SPSB1: variants seen among roughly 807,000 people sequenced by gnomAD.
SPSB1 encodes the protein SPRY domain-containing SOCS box protein 1.
A neutral mutation model predicts 21.2 loss-of-function variants in SPSB1; 8 were observed. That is an observed-to-expected ratio of 0.38 (90% CI 0.22 to 0.68). The LOEUF is 0.68. Ranked by LOEUF, SPSB1 falls within the 30% of genes least tolerant of loss-of-function variation. The pLI is 0.53. For missense variants in SPSB1, 242 were observed against 377.8 expected (o/e 0.64, Z 2.98); for synonymous variants, 169 against 161.7 (o/e 1.05, Z -0.34).
At chr1:9,359,084 A>G (rs1640422752) in intron 2 of SPSB1, among the ~76,000 whole-genome samples, 2 of 152,204 alleles carry the variant, frequency 1.3e-5, no homozygotes, top group Admixed American at 1.3e-4. Flanking sequence ...TGGAATCTAG[A>G]TGGCCACTCA....
At chr1:9,331,321 GTTTTTTTTTTTTTTTTT>G in intron 1 of SPSB1, among the ~76,000 whole-genome samples, 1 of 53,704 alleles carries the variant, frequency 1.9e-5, no homozygotes, top group East Asian at 5.7e-4. Context: ...TGGTGCTCTT[GTTTTTTTTTTTTTTTTT>G]TTTTTTTTTG....
At position 9,356,175 on chromosome 1, in the gene SPSB1, G is replaced by T. The variant is rs769406033; in HGVS notation, c.284G>T (p.Arg95Leu). 6 of 1,586,828 alleles carry T rather than the reference G, an allele frequency of 3.8e-6. No homozygotes were observed. The highest frequency in any genetic ancestry group is 2.7e-5 in the African/African-American group (2 of 74,608). ...DAIRGKVGYT[R>L]GLHVWQITWA... Reference sequence around the variant, plus strand: ...ATCAGGGGCAAAGTCGGGTATACCCGTGGGCTGCACGTGTGGCAGATCACG... The same window carrying T: ...ATCAGGGGCAAAGTCGGGTATACCCTTGGGCTGCACGTGTGGCAGATCACG... The change falls in exon 2 of 3, where the codon CGT becomes CTT. Residue 95 changes from arginine (R) to leucine (L), a missense_variant. Physicochemically the swap from Arg to Leu is moderately radical, Grantham distance 102. Transcript: ENST00000328089. The surrounding 1 kb of genome is among the most constrained non-coding windows in gnomAD (Gnocchi z 7.4).
At position 9,293,789 on chromosome 1, in the gene SPSB1, G is replaced by A. The variant is rs976178978; in HGVS notation, c.-150+718G>A. On this transcript the variant is annotated intron_variant, in intron 1 of 2. Coordinates refer to ENST00000328089, the MANE Select transcript of SPSB1 (RefSeq NM_025106.4). The surrounding 1 kb of genome is among the most constrained non-coding windows in gnomAD (Gnocchi z 5.1). ...CTCGGTGGCGTCCAGGTTCCGGTGAGGACGGGACGGCCCCGAGAGGAGGGT... is the reference window on the plus strand; with the variant it reads ...CTCGGTGGCGTCCAGGTTCCGGTGAAGACGGGACGGCCCCGAGAGGAGGGT... Among the ~76,000 whole-genome samples, 1 of 152,236 alleles carries A rather than the reference G, an allele frequency of 6.6e-6. No homozygotes were observed. Among genetic ancestry groups the A allele is most frequent in the Non-Finnish European group, 1.5e-5 (1 of 68,040 alleles).
At position 9,293,923 on chromosome 1, in the gene SPSB1, GGTGTGTGT is replaced by G. The variant is rs1003216349; in HGVS notation, c.-150+856_-150+863del. Among the ~76,000 whole-genome samples, 1 of 151,792 alleles carries G rather than the reference GGTGTGTGT, an allele frequency of 6.6e-6. No homozygotes were observed. The highest frequency in any genetic ancestry group is 1.5e-5 in the Non-Finnish European group (1 of 67,922). Reference sequence around the variant, plus strand: ...ATGAGTGTGTCTGTGTGTTCATGTGGGTGTGTGTGTGAGTGTGTCTCTAAGTGCATCTG... The same window carrying G: ...ATGAGTGTGTCTGTGTGTTCATGTGGGTGAGTGTGTCTCTAAGTGCATCTG... On this transcript the variant is annotated intron_variant, in intron 1 of 2. Transcript: ENST00000328089. The surrounding 1 kb of genome is among the most constrained non-coding windows in gnomAD (Gnocchi z 5.1).
Position 9,325,232 on chromosome 1 carries a change from C to A in SPSB1, c.-149-30511C>A, listed in dbSNP as rs1402120363. ...CCAATGCCTCCCACCACCACCCCCC[C>A]CCCCCGCCCCGCCTCCACCGGTGCA... On this transcript the variant is annotated intron_variant, in intron 1 of 2. Coordinates refer to ENST00000328089, the MANE Select transcript of SPSB1 (RefSeq NM_025106.4). Among the ~76,000 whole-genome samples the A allele has an allele frequency of 1.3e-4, 19 of 150,398 alleles. No homozygotes were observed. The East Asian group carries it at 2.3e-3, about 19-fold the overall frequency.
chr1:9,319,645 C>T (rs138274004), intron 1 of SPSB1, among the ~76,000 whole-genome samples: 9 of 152,284 alleles, frequency 5.9e-5, no homozygotes, highest in African/African-American at 1.7e-4. Context: ...TATTCCGTTC[C>T]GGCTGGTGCA....
intron 1 of SPSB1, among the ~76,000 whole-genome samples, chr1:9,332,307 G>A (rs1639934694): frequency 6.6e-6 from 1 of 152,174 alleles, no homozygotes; most frequent in Non-Finnish European, 1.5e-5. Context: ...AACAGTGAGA[G>A]TGAAGGTGGG....
intron 1 of SPSB1, among the ~76,000 whole-genome samples, chr1:9,349,172 G>T (rs1021335851): frequency 6.6e-6 from 1 of 152,172 alleles, no homozygotes; most frequent in Non-Finnish European, 1.5e-5. Flanking sequence ...TCCCTCTGCA[G>T]GGGAAGCCAA....
At chr1:9,319,875 C>T (rs916594376) in intron 1 of SPSB1, among the ~76,000 whole-genome samples, 2 of 152,080 alleles carry the variant, frequency 1.3e-5, no homozygotes, top group Admixed American at 6.5e-5. Flanking sequence ...CGCCACCTGG[C>T]TGCAGGTGGG....
Position 9,305,432 on chromosome 1 carries a change from G to A in SPSB1, c.-150+12361G>A, listed in dbSNP as rs528048022. On this transcript the variant is annotated intron_variant, in intron 1 of 2. Transcript: ENST00000328089. This position sits in a 1 kb window ranked among gnomAD's most constrained non-coding sequence, Gnocchi z 4.8. ...TGTGGGCTCCAGGAGGGCAGGACCC[G>A]GCCGGCCACATGGCTGTTGTTCACG... Among the ~76,000 whole-genome samples the A allele has an allele frequency of 7.2e-5, 11 of 152,310 alleles. No individual in the cohort carries two copies. Among genetic ancestry groups the A allele is most frequent in the South Asian group, 2.1e-4 (1 of 4,824 alleles).
chr1:9,352,356 C>T (rs1015610807), intron 1 of SPSB1, among the ~76,000 whole-genome samples: 6 of 152,222 alleles, frequency 3.9e-5, no homozygotes, highest in Non-Finnish European at 7.3e-5. Context: ...GCTACAGCCC[C>T]ACAAGGCTGT....
rs1414919247 is a variant in SPSB1, at chr1:9,355,852, T to G, written c.-40T>G. On this transcript the variant is annotated 5_prime_UTR_variant, in exon 2 of 3. Transcript: ENST00000328089. ...GACGAGACCACGAGATTGATGAGTT[T>G]GCCTTGGGAGTCGGTAAGAAGGTGA... 2 of 1,518,364 alleles carry G rather than the reference T, an allele frequency of 1.3e-6. No individual in the cohort carries two copies. Among genetic ancestry groups the G allele is most frequent in the Non-Finnish European group, 1.8e-6 (2 of 1,132,682 alleles). 94.1% of individuals were successfully genotyped at this position (1,518,364 alleles called of 1,614,324 possible). A position where few individuals can be genotyped will look rare whatever the true frequency, so the allele number is the denominator to read the frequency against.
chr1:9,328,888 C>T (rs534388116), intron 1 of SPSB1, among the ~76,000 whole-genome samples: 9 of 152,328 alleles, frequency 5.9e-5, no homozygotes, highest in Non-Finnish European at 7.3e-5. Flanking sequence ...ACCCACCAGA[C>T]GCCACCCCAA....
chr1:9,294,170 GTGTC>G (rs58438510), intron 1 of SPSB1, among the ~76,000 whole-genome samples: 26,718 of 151,496 alleles, frequency 0.18, 2,610 homozygotes, highest in Middle Eastern at 0.26. Context: ...GTGTCTCTGA[GTGTC>G]TGTCTCTGCA....
At chr1:9,327,082 A>T (rs1487132820) in intron 1 of SPSB1, among the ~76,000 whole-genome samples, 1 of 152,160 alleles carries the variant, frequency 6.6e-6, no homozygotes, top group Non-Finnish European at 1.5e-5. Context: ...TCTTAGATGC[A>T]TCTGCCGTCG....
At position 9,364,876 on chromosome 1, in the gene SPSB1, A is replaced by G. The variant is rs568188771; in HGVS notation, c.695-2572A>G. On this transcript the variant is annotated intron_variant, in intron 2 of 2. Coordinates refer to ENST00000328089, the MANE Select transcript of SPSB1 (RefSeq NM_025106.4). ...GTTGTTGTTGGTTTTTCTGAGACAG[A>G]GTCTTGCTCCGTCACCCCAGGCTGG... Among the ~76,000 whole-genome samples the G allele has an allele frequency of 5.5e-4, 84 of 151,860 alleles. 1 individual carries two copies. In the South Asian group the frequency reaches 0.017, roughly 31 times the overall value.
chr1:9,293,804 G>A lies in SPSB1; in HGVS notation c.-150+733G>A, dbSNP rs188185538. 4.8e-3 allele frequency among the ~76,000 whole-genome samples: 724 copies of A among 152,360 alleles called. 10 individuals are homozygous for A. Among genetic ancestry groups the A allele is most frequent in the African/African-American group, 0.016 (685 of 41,590 alleles). On this transcript the variant is annotated intron_variant, in intron 1 of 2. Coordinates refer to ENST00000328089, the MANE Select transcript of SPSB1 (RefSeq NM_025106.4). The surrounding 1 kb of genome is among the most constrained non-coding windows in gnomAD (Gnocchi z 5.1). ...GTTCCGGTGAGGACGGGACGGCCCC[G>A]AGAGGAGGGTGCGGGTCTGCAGGAA...
At chr1:9,359,957 GGTT>G (rs1220541308) in intron 2 of SPSB1, among the ~76,000 whole-genome samples, 1 of 152,202 alleles carries the variant, frequency 6.6e-6, no homozygotes, top group Non-Finnish European at 1.5e-5. Context: ...GCATTGTTTG[GGTT>G]GAGCAGGTGA....
At chr1:9,326,207 C>G (rs949963736) in intron 1 of SPSB1, among the ~76,000 whole-genome samples, 1 of 152,076 alleles carries the variant, frequency 6.6e-6, no homozygotes, top group East Asian at 1.9e-4. Context: ...GAGAAGACTT[C>G]TTCAATAACA....
Sources: allele counts gnomAD v4.1 joint callset (sites outside exome capture counted in the v4.1 genomes callset), GRCh38; gene constraint gnomAD v4.1.1; non-coding constraint Gnocchi (gnomAD v3.1); transcripts MANE v1.5; gene names NCBI Gene and HGNC (gene_info 2026-07-23, HGNC 2026-07-21).